The following C8orf34 variants were observed in gnomAD, a reference collection of about 807,000 sequenced individuals.
The protein encoded by C8orf34 is chromosome 8 open reading frame 34, also known as uncharacterized protein C8orf34.
In C8orf34, 65 loss-of-function variants were observed where a neutral mutation model predicts 68.3. The ratio of observed to expected loss-of-function variants is 0.95; its 90% CI spans 0.78 to 1.17. C8orf34 has a LOEUF of 1.17. Ranked by LOEUF, C8orf34 falls within the 50% of genes most tolerant of loss-of-function variation. The pLI, the probability that C8orf34 is intolerant of heterozygous loss-of-function variation, is 0.00. For missense variants in C8orf34, 664 were observed against 655.4 expected (o/e 1.01, Z -0.14); for synonymous variants, 244 against 241.2 (o/e 1.01, Z -0.11).
At position 68,695,146 on chromosome 8, in the gene C8orf34, TC is replaced by T. The variant is rs201441474; in HGVS notation, c.1242-13846del. The stretch of plus-strand genomic sequence containing the variant: ...AATTACTCAATTAGCAACTGTTTAT[TC>T]CTTTTTTTTTTTTTTTGAGATGGAG... On this transcript the variant is annotated intron_variant, in intron 8 of 13. Coordinates refer to ENST00000518698, the MANE Select transcript of C8orf34 (RefSeq NM_052958.4). Among the ~76,000 whole-genome samples the T allele has an allele frequency of 6.7e-3, 999 of 149,766 alleles. 17 individuals carry two copies. Among genetic ancestry groups the T allele is most frequent in the African/African-American group, 0.024 (949 of 40,110 alleles).
chr8:68,347,369 A>C (rs1806327933), intron 1 of C8orf34, among the ~76,000 whole-genome samples: 1 of 151,926 alleles, frequency 6.6e-6, no homozygotes, highest in African/African-American at 2.4e-5. Context: ...AGTCATTGAC[A>C]GGTATTTAGG....
At chr8:68,604,952 G>T (rs1245939144) in intron 7 of C8orf34, among the ~76,000 whole-genome samples, 1 of 152,012 alleles carries the variant, frequency 6.6e-6, no homozygotes, top group African/African-American at 2.4e-5. Flanking sequence ...TTTGCAAAAG[G>T]CATATCTGAT....
intron 8 of C8orf34, among the ~76,000 whole-genome samples, chr8:68,687,181 C>CA (rs2130895390): frequency 6.6e-6 from 1 of 152,178 alleles, no homozygotes; most frequent in Non-Finnish European, 1.5e-5. Context: ...GTAAAAATGA[C>CA]AATATGTCCC....
intron 12 of C8orf34, among the ~76,000 whole-genome samples, chr8:68,809,058 G>A (rs1257313708): frequency 7.9e-5 from 12 of 152,002 alleles, no homozygotes; most frequent in Admixed American, 7.9e-4. Context: ...CTGGAAGTCA[G>A]AAGACTCAGC....
At chr8:68,772,853 CTCCTTCCTTCCTTCTT>C (rs1563660783) in intron 10 of C8orf34, among the ~76,000 whole-genome samples, 1 of 141,584 alleles carries the variant, frequency 7.1e-6, no homozygotes, top group Admixed American at 7.5e-5. Context: ...CTCTCTTTCT[CTCCTTCCTTCCTTCTT>C]TCCTTCCTTC....
intron 10 of C8orf34, among the ~76,000 whole-genome samples, chr8:68,765,048 T>C (rs1019674299): frequency 2.0e-5 from 3 of 152,294 alleles, no homozygotes; most frequent in South Asian, 2.1e-4. Flanking sequence ...CCTTTCACAA[T>C]ATTAGGTTGT....
At chr8:68,734,245 G>T (rs935391823) in intron 10 of C8orf34, among the ~76,000 whole-genome samples, 1 of 152,076 alleles carries the variant, frequency 6.6e-6, no homozygotes, top group Admixed American at 6.6e-5. Context: ...AGGGTCTGTT[G>T]TTCCAGGAGA....
intron 10 of C8orf34, among the ~76,000 whole-genome samples, chr8:68,763,184 A>G (rs1399671098): frequency 6.6e-6 from 1 of 152,222 alleles, no homozygotes; most frequent in Non-Finnish European, 1.5e-5. Flanking sequence ...ACAAAAATTT[A>G]AGACTAGGCT....
intron 1 of C8orf34, among the ~76,000 whole-genome samples, chr8:68,432,761 A>G (rs1192503642): frequency 4.6e-5 from 7 of 152,176 alleles, no homozygotes; most frequent in Non-Finnish European, 7.3e-5. Flanking sequence ...TCTGACAGAA[A>G]GAGATCAGAG....
chr8:68,752,752 A>G (rs980637027), intron 10 of C8orf34, among the ~76,000 whole-genome samples: 1 of 152,084 alleles, frequency 6.6e-6, no homozygotes, highest in Non-Finnish European at 1.5e-5. Context: ...GGTGACTGGT[A>G]TTTTCCGACT....
chr8:68,662,401 G>A (rs1027062822), intron 8 of C8orf34, among the ~76,000 whole-genome samples: 4 of 152,108 alleles, frequency 2.6e-5, no homozygotes, highest in Non-Finnish European at 4.4e-5. Context: ...TGTCCTCATC[G>A]AAATCTCACC....
At chr8:68,663,199 C>T (rs1017951177) in intron 8 of C8orf34, among the ~76,000 whole-genome samples, 5 of 152,138 alleles carry the variant, frequency 3.3e-5, no homozygotes, top group African/African-American at 1.2e-4. Flanking sequence ...TAGGCTTTTC[C>T]TTACATCCTT....
chr8:68,629,353 G>C (rs774939802), intron 7 of C8orf34, among the ~76,000 whole-genome samples: 3 of 152,150 alleles, frequency 2.0e-5, no homozygotes, highest in Non-Finnish European at 4.4e-5. Flanking sequence ...GGAGAAGCCT[G>C]TTCAGATGGC....
At chr8:68,416,790 C>G (rs1033837553) in intron 1 of C8orf34, among the ~76,000 whole-genome samples, 2 of 152,044 alleles carry the variant, frequency 1.3e-5, no homozygotes, top group Admixed American at 1.3e-4. Context: ...CTCAGCCTCC[C>G]AAAATGCTGG....
chr8:68,370,827 G>A (rs1807528103), intron 1 of C8orf34, among the ~76,000 whole-genome samples: 1 of 152,070 alleles, frequency 6.6e-6, no homozygotes, highest in Non-Finnish European at 1.5e-5. Flanking sequence ...ATTCACTTTG[G>A]TCTAACATCC....
At chr8:68,728,391 C>G (rs1448478113) in intron 10 of C8orf34, among the ~76,000 whole-genome samples, 1 of 152,214 alleles carries the variant, frequency 6.6e-6, no homozygotes, top group Non-Finnish European at 1.5e-5. Flanking sequence ...CTGTCTTCTT[C>G]TGAGCCCTTC....
intron 3 of C8orf34, among the ~76,000 whole-genome samples, chr8:68,457,594 T>A (rs1811607336): frequency 6.6e-6 from 1 of 152,192 alleles, no homozygotes; most frequent in Non-Finnish European, 1.5e-5. Context: ...GAGGTCATAT[T>A]GAATTAGAAT....
At chr8:68,685,685 A>G (rs28653264) in intron 8 of C8orf34, among the ~76,000 whole-genome samples, 4,462 of 151,820 alleles carry the variant, frequency 0.029, 209 homozygotes, top group African/African-American at 0.1. Context: ...GTGAAACCCC[A>G]TCTCTACCAA....
rs143668936 is a variant in C8orf34 at position 68,735,275 on chromosome 8, T to C, written c.1404+13838T>C. 8.0e-3 allele frequency among the ~76,000 whole-genome samples: 1,223 copies of C among 152,318 alleles called. 9 individuals are homozygous for C. The highest frequency in any genetic ancestry group is 0.014 in the Non-Finnish European group (922 of 68,022). On this transcript the variant is annotated intron_variant, in intron 10 of 13. Transcript: ENST00000518698. ...TATCTGTCTTATACACAAGATTTAT[T>C]TGTAAGGTTTGCTTTGAACATAAGA...
Sources: gnomAD v4.1 joint callset for allele counts (sites outside exome capture counted in the v4.1 genomes callset) on GRCh38, gnomAD v4.1.1 for gene constraint, MANE v1.5 for transcripts, NCBI Gene and HGNC (gene_info 2026-07-23, HGNC 2026-07-21) for gene names.